The following VPS33B variants were observed in gnomAD, a reference collection of about 807,000 sequenced individuals.
VPS33B encodes the protein VPS33B late endosome and lysosome associated, also known as vacuolar protein sorting-associated protein 33B.
A neutral mutation model predicts 95.3 loss-of-function variants in VPS33B; 80 were observed. The ratio of observed to expected loss-of-function variants is 0.84; its 90% CI spans 0.70 to 1.01. The LOEUF is 1.01. Ranked by LOEUF, VPS33B falls within the 50% of genes least tolerant of loss-of-function variation. VPS33B has a pLI of 0.00. For synonymous variants in VPS33B, 280 were observed against 280.4 expected (o/e 1.00, Z 0.01); for missense variants, 715 against 773.4 (o/e 0.92, Z 0.90).
rs2041130559 is a variant in VPS33B at position 91,022,358 on chromosome 15, C to T, written c.-109G>A. The T allele has an allele frequency of 1.2e-5, 13 of 1,117,118 alleles. No individual in the cohort carries two copies. The highest frequency in any genetic ancestry group is 1.6e-5 in the Non-Finnish European group (13 of 796,806). 69.2% of individuals were successfully genotyped at this position (1,117,118 alleles called of 1,614,324 possible). ...GCTATCCTTCAGGCCTGGGCACCGA[C>T]TTCCAGAGACCCCAGATGGGCCCTC... On this transcript the variant is annotated 5_prime_UTR_variant, in exon 1 of 23. Coordinates refer to ENST00000333371, the MANE Select transcript of VPS33B (RefSeq NM_018668.5).
chr15:91,005,177 T>C lies in VPS33B; in HGVS notation c.1106-58A>G. 2.5e-6 allele frequency: 4 copies of C among 1,613,832 alleles called. No individual in the cohort carries two copies. The highest frequency in any genetic ancestry group is 3.4e-6 in the Non-Finnish European group (4 of 1,180,000). On this transcript the variant is annotated intron_variant, in intron 14 of 22. Transcript: ENST00000333371. This position sits in a 1 kb window ranked among gnomAD's most constrained non-coding sequence, Gnocchi z 6.4. ...GGGCCAGCTCAGCTGCTGCCATCTA[T>C]GCTAACAGGTGTCTGTCTCCCCATC...
chr15:91,007,407 A>T lies in VPS33B; in HGVS notation c.603+62T>A. On this transcript the variant is annotated intron_variant, in intron 8 of 22. Coordinates refer to ENST00000333371, the MANE Select transcript of VPS33B (RefSeq NM_018668.5). This position sits in a 1 kb window ranked among gnomAD's most constrained non-coding sequence, Gnocchi z 5.3. ...ATCACAGGTGCCCTTGGATAACCCC[A>T]GGAGGGTACAGAACAGGGAAAACAG... The T allele has an allele frequency of 6.7e-7, 1 of 1,501,068 alleles. No homozygotes were observed. Among genetic ancestry groups the T allele is most frequent in the Non-Finnish European group, 9.3e-7 (1 of 1,077,154 alleles). 93.0% of individuals were successfully genotyped at this position (1,501,068 alleles called of 1,614,324 possible). A position where few individuals can be genotyped will look rare whatever the true frequency, so the allele number is the denominator to read the frequency against.
In VPS33B at chr15:91,004,960, T is replaced by C. The variant is rs373419606; in HGVS notation, c.1171-29A>G. On this transcript the variant is annotated intron_variant, in intron 15 of 22. Transcript: ENST00000333371. ...CATAGGAAGAAAGAATCAAGGAGAA[T>C]TGAAGCTTCACAACACGTGTTCTTT... 49 of 1,614,072 alleles carry C rather than the reference T, an allele frequency of 3.0e-5. No individual in the cohort carries two copies. In the African/African-American group the frequency reaches 5.6e-4, roughly 18 times the overall value.
intron 5 of VPS33B, among the ~76,000 whole-genome samples, chr15:91,012,486 G>C (rs1223216590): frequency 2.0e-5 from 3 of 152,082 alleles, no homozygotes; most frequent in Non-Finnish European, 4.4e-5. Context: ...GACCACACAG[G>C]TAATAAGGCC....
Position 91,006,016 on chromosome 15 carries a change from C to G in VPS33B, c.896G>C (p.Gly299Ala), listed in dbSNP as rs749859446. The G allele has an allele frequency of 3.5e-5, 56 of 1,614,064 alleles. No homozygotes were observed. Among genetic ancestry groups the G allele is most frequent in the Non-Finnish European group, 4.6e-5 (54 of 1,180,048 alleles). Residue 299 changes from glycine (G) to alanine (A), a missense_variant, in exon 12 of 23, where the codon GGC becomes GCC. Gly to Ala is a moderately conservative substitution (Grantham distance 60). Transcript: ENST00000333371. This position sits in a 1 kb window ranked among gnomAD's most constrained non-coding sequence, Gnocchi z 5.4. ...IRNEHFSNVFGFLSQKARNLQ... is the reference protein window; with the variant it reads ...IRNEHFSNVFAFLSQKARNLQ... Reference sequence around the variant, plus strand: ...GTTCCGGGCCTTCTGGCTCAAGAAGCCAAAGACATTGGAGAAGTGCTCGTT... The same window carrying G: ...GTTCCGGGCCTTCTGGCTCAAGAAGGCAAAGACATTGGAGAAGTGCTCGTT...
Position 91,010,288 on chromosome 15 carries a change from G to A in VPS33B, c.358-442C>T, listed in dbSNP as rs1189563627. On this transcript the variant is annotated intron_variant, in intron 5 of 22. Coordinates refer to ENST00000333371, the MANE Select transcript of VPS33B (RefSeq NM_018668.5). This position sits in a 1 kb window ranked among gnomAD's most constrained non-coding sequence, Gnocchi z 5.7. ...ACAGACAAGGACTTGGGATTAAGTA[G>A]CATATATGCTGTATTTAAAGTGGAT... 6.6e-6 allele frequency among the ~76,000 whole-genome samples: 1 copy of A among 152,174 alleles called. No homozygotes were observed. Among genetic ancestry groups the A allele is most frequent in the Admixed American group, 6.6e-5 (1 of 15,260 alleles).
chr15:91,010,645 C>T lies in VPS33B; in HGVS notation c.358-799G>A, dbSNP rs572300326. ...ATGGTCTGTCCAAGAGAAAAGAACA[C>T]GCAGAGGAGAGCTAAGGACAGGACT... is the stretch of plus-strand genomic sequence containing the variant. On this transcript the variant is annotated intron_variant, in intron 5 of 22. Transcript: ENST00000333371. This position sits in a 1 kb window ranked among gnomAD's most constrained non-coding sequence, Gnocchi z 5.7. Among the ~76,000 whole-genome samples, 23 of 152,166 alleles carry T rather than the reference C, an allele frequency of 1.5e-4. No individual in the cohort carries two copies. The highest frequency in any genetic ancestry group is 5.1e-4 in the African/African-American group (21 of 41,506).
chr15:91,003,436 CATTTATTT>C (rs200047666), intron 16 of VPS33B, among the ~76,000 whole-genome samples: 8 of 152,002 alleles, frequency 5.3e-5, no homozygotes, highest in African/African-American at 1.9e-4. Context: ...ACGACTCATG[CATTTATTT>C]ATTTATTTAT....
In VPS33B at chr15:91,014,437, T is replaced by C; in HGVS notation, c.240-4A>G. The C allele has an allele frequency of 6.2e-7, 1 of 1,613,580 alleles. No individual in the cohort carries two copies. Among genetic ancestry groups the C allele is most frequent in the Non-Finnish European group, 8.5e-7 (1 of 1,179,850 alleles). ...GGGTCTGACCAAGAAGCACAATCTA[T>C]GAGAGAGAAAGAAAAAAAAACAGTG... is the stretch of plus-strand genomic sequence containing the variant. On this transcript the variant is annotated splice_region_variant and splice_polypyrimidine_tract_variant and intron_variant, in intron 3 of 22. Coordinates refer to ENST00000333371, the MANE Select transcript of VPS33B (RefSeq NM_018668.5).
chr15:91,001,362 TC>T (rs2040433847), intron 19 of VPS33B, 26 bp downstream of exon 19: 1 of 1,504,220 alleles, frequency 6.6e-7, no homozygotes. Flanking sequence ...ACCCACTGTC[TC>T]CCCTAACCAT....
rs778399362 is a variant in VPS33B at position 91,007,986 on chromosome 15, G to A, written c.404-22C>T. On this transcript the variant is annotated intron_variant, in intron 6 of 22. Coordinates refer to ENST00000333371, the MANE Select transcript of VPS33B (RefSeq NM_018668.5). The surrounding 1 kb of genome is among the most constrained non-coding windows in gnomAD (Gnocchi z 5.3). ...ACATCTGTGGGGACAGAGAGCATCA[G>A]CCTCCCTGCAGAAGGTACTTAGCTC... 4.3e-6 allele frequency: 7 copies of A among 1,611,382 alleles called. No homozygotes were observed. The highest frequency in any genetic ancestry group is 4.0e-5 in the African/African-American group (3 of 74,894).
rs1567223730 is a variant in VPS33B at position 91,007,896 on chromosome 15, G to A, written c.472C>T (p.Pro158Ser). ...LDVDLLSMEL[P>S]EFFRDYFLEG... ...AGAAAGTAATCCCTGAAAAATTCTGGTAGTTCCATGCTCAGCAGATCCACA... is the reference window on the plus strand; with the variant it reads ...AGAAAGTAATCCCTGAAAAATTCTGATAGTTCCATGCTCAGCAGATCCACA... Residue 158 changes from proline to serine, a missense_variant, in exon 7 of 23, where the codon CCA becomes TCA. Pro to Ser is a moderately conservative substitution (Grantham distance 74). Coordinates refer to ENST00000333371, the MANE Select transcript of VPS33B (RefSeq NM_018668.5). This position sits in a 1 kb window ranked among gnomAD's most constrained non-coding sequence, Gnocchi z 5.3. 4 of 1,614,158 alleles carry A rather than the reference G, an allele frequency of 2.5e-6. No homozygotes were observed. Among genetic ancestry groups the A allele is most frequent in the Non-Finnish European group, 3.4e-6 (4 of 1,180,030 alleles).
At chr15:91,008,898 G>C (rs577988247) in intron 6 of VPS33B, among the ~76,000 whole-genome samples, 77 of 152,246 alleles carry the variant, frequency 5.1e-4, no homozygotes, top group African/African-American at 1.8e-3. Context: ...AGAACGTTCT[G>C]GGTACCTGGA....
At position 91,017,365 on chromosome 15, in the gene VPS33B, T is replaced by TTAAAAAAAAAA. The variant is rs1555460460; in HGVS notation, c.178-342_178-341insTTTTTTTTTTA. Among the ~76,000 whole-genome samples the TTAAAAAAAAAA allele has an allele frequency of 4.7e-4, 8 of 16,990 alleles. 1 individual carries two copies. The highest frequency in any genetic ancestry group is 2.8e-3 in the Admixed American group (3 of 1,060). 11.1% of individuals were successfully genotyped at this position (16,990 alleles called of 152,430 possible). Reference sequence around the variant, plus strand: ...TAACAAGACTCCATCTCTACAAAATTAAATATATATATATATATATATATA... The same window carrying TTAAAAAAAAAA: ...TAACAAGACTCCATCTCTACAAAATTTAAAAAAAAAAAAATATATATATATATATATATATA... On this transcript the variant is annotated intron_variant, in intron 2 of 22. Transcript: ENST00000333371.
chr15:91,007,361 A>G lies in VPS33B; in HGVS notation c.603+108T>C. On this transcript the variant is annotated intron_variant, in intron 8 of 22. Transcript: ENST00000333371. The surrounding 1 kb of genome is among the most constrained non-coding windows in gnomAD (Gnocchi z 5.3). ...GGATCTATTCCAGAACAATGAAAGC[A>G]AAGTAAAGAATACACCTCATATCAC... The G allele has an allele frequency of 8.9e-7, 1 of 1,122,192 alleles. No homozygotes were observed. The highest frequency in any genetic ancestry group is 1.7e-5 in the Admixed American group (1 of 58,030). The allele number at this position is 1,122,192 out of a possible 1,614,324, so 69.5% of individuals were successfully genotyped here. A position where few individuals can be genotyped will look rare whatever the true frequency, so the allele number is the denominator to read the frequency against.
Position 91,009,883 on chromosome 15 carries a change from C to A in VPS33B, c.358-37G>T, listed in dbSNP as rs746617312. Reference sequence around the variant, plus strand: ...AAGGAAATTGATTAGTAACTACCTTCTTCTCTGTTCTCTCCATTTCTCTGG... The same window carrying A: ...AAGGAAATTGATTAGTAACTACCTTATTCTCTGTTCTCTCCATTTCTCTGG... On this transcript the variant is annotated intron_variant, in intron 5 of 22. Coordinates refer to ENST00000333371, the MANE Select transcript of VPS33B (RefSeq NM_018668.5). The surrounding 1 kb of genome is among the most constrained non-coding windows in gnomAD (Gnocchi z 4.1). The A allele has an allele frequency of 1.2e-6, 2 of 1,612,076 alleles. No individual in the cohort carries two copies. Among genetic ancestry groups the A allele is most frequent in the Non-Finnish European group, 1.7e-6 (2 of 1,178,212 alleles).
chr15:91,016,867 G>T, intron 3 of VPS33B, 96 bp downstream of exon 3: 1 of 1,199,200 alleles, frequency 8.3e-7, no homozygotes, highest in South Asian at 1.2e-5. Context: ...TCAGGGAGGT[G>T]AACCATATAT....
chr15:91,017,889 A>T lies in VPS33B; in HGVS notation c.97-4T>A. 1 of 1,614,036 alleles carries T rather than the reference A, an allele frequency of 6.2e-7. No homozygotes were observed. Among genetic ancestry groups the T allele is most frequent in the Non-Finnish European group, 8.5e-7 (1 of 1,179,930 alleles). On this transcript the variant is annotated splice_region_variant and splice_polypyrimidine_tract_variant and intron_variant, in intron 1 of 22. Coordinates refer to ENST00000333371, the MANE Select transcript of VPS33B (RefSeq NM_018668.5). ...ATAAATCCTTTTTTCCAGGAAGCTG[A>T]AGGAGACACAATATGTTGGGTCACT...
chr15:90,999,390 C>G lies in VPS33B; in HGVS notation c.1774+287G>C, dbSNP rs1204863184. On this transcript the variant is annotated intron_variant, in intron 22 of 22. Coordinates refer to ENST00000333371, the MANE Select transcript of VPS33B (RefSeq NM_018668.5). The surrounding 1 kb of genome is among the most constrained non-coding windows in gnomAD (Gnocchi z 5.1). The stretch of plus-strand genomic sequence containing the variant: ...CTGGAGTGCAATGGTGCAATCTCAG[C>G]TCACTGCAACCTCCACCTCCCGGGT... 12 of 503,886 alleles carry G rather than the reference C, an allele frequency of 2.4e-5. No homozygotes were observed. Among genetic ancestry groups the G allele is most frequent in the East Asian group, 1.5e-4 (4 of 25,986 alleles). 31.2% of individuals were successfully genotyped at this position (503,886 alleles called of 1,614,324 possible). A position where few individuals can be genotyped will look rare whatever the true frequency, so the allele number is the denominator to read the frequency against.
Sources: gnomAD v4.1 joint callset for allele counts (sites outside exome capture counted in the v4.1 genomes callset) on GRCh38, gnomAD v4.1.1 for gene constraint, Gnocchi (gnomAD v3.1) non-coding constraint, MANE v1.5 for transcripts, NCBI Gene and HGNC (gene_info 2026-07-23, HGNC 2026-07-21) for gene names.